Variants in ARAP2 observed in about 807,000 individuals in gnomAD.
ARAP2 encodes the protein arf-GAP with Rho-GAP domain, ANK repeat and PH domain-containing protein 2.
Under a neutral mutation model 194.5 loss-of-function variants are expected in ARAP2, and 148 were observed. That is an observed-to-expected ratio of 0.76 (90% confidence interval 0.67 to 0.87). The LOEUF (loss-of-function observed/expected upper bound fraction) is 0.87, where lower values mean the gene tolerates loss of function less well. ARAP2 is among the 40% of genes least tolerant of loss of function. ARAP2 has a pLI of 0.00. For synonymous variants in ARAP2, 695 were observed against 683.5 expected (o/e 1.02, Z -0.26); for missense variants, 2,128 against 1,989.7 (o/e 1.07, Z -1.32).
chr4:36,094,173 A>G (rs565091169), intron 27 of ARAP2, among the ~76,000 whole-genome samples: 1 of 152,340 alleles, frequency 6.6e-6, no homozygotes, highest in Admixed American at 6.5e-5. Flanking sequence ...TGAGCTAAGA[A>G]TAATTTTTAC....
intron 5 of ARAP2, among the ~76,000 whole-genome samples, chr4:36,031,665 T>TA (rs1718971589): frequency 1.9e-5 from 1 of 53,274 alleles, no homozygotes; most frequent in Non-Finnish European, 5.6e-5. Flanking sequence ...GGATTTAAAA[T>TA]CTTTTTTTTT....
chr4:36,209,372 T>C (rs1227758151), intron 6 of ARAP2: 1 of 454,332 alleles, frequency 2.2e-6, no homozygotes, highest in Admixed American at 2.4e-5. Context: ...ACATAGCTGA[T>C]AGTAAGAAGT....
chr4:36,064,419 G>A (rs537883075), downstream of ARAP2, among the ~76,000 whole-genome samples: 10 of 152,292 alleles, frequency 6.6e-5, no homozygotes, highest in African/African-American at 2.4e-4. Flanking sequence ...AGAGGCAGGG[G>A]CCAAGGTTGG....
chr4:36,236,940 A>G (rs1445538756), intron 1 of ARAP2, among the ~76,000 whole-genome samples: 1 of 152,222 alleles, frequency 6.6e-6, no homozygotes, highest in African/African-American at 2.4e-5. Context: ...ATGATAAAAG[A>G]GAAAAGTGTC....
intron 2 of ARAP2, among the ~76,000 whole-genome samples, chr4:36,223,405 T>C (rs1330254187): frequency 2.6e-5 from 4 of 152,116 alleles, no homozygotes; most frequent in Non-Finnish European, 4.4e-5. Flanking sequence ...AATCTGCAGA[T>C]GTTCAATTGT....
intron 1 of ARAP2, chr4:36,058,224 T>A (rs550009933): frequency 3.3e-5 from 5 of 152,334 alleles, no homozygotes; most frequent in Admixed American, 2.6e-4. Flanking sequence ...CTATTAGGGA[T>A]TTTCTGCTAA....
At chr4:36,114,555 A>G (rs1720862162) in intron 25 of ARAP2, among the ~76,000 whole-genome samples, 1 of 152,058 alleles carries the variant, frequency 6.6e-6, no homozygotes, top group Non-Finnish European at 1.5e-5. Context: ...GAAGGAAAGA[A>G]TGTACCTAAT....
rs540719322 is a variant in ARAP2 at position 36,044,941 on chromosome 4, A to T, written n.607+1038T>A. On this transcript the variant is annotated intron_variant and non_coding_transcript_variant, in intron 5 of 12. Coordinates refer to the ARAP2 transcript ENST00000503225. Reference sequence around the variant, plus strand: ...TATAGAAATGGCGAACAATAATATTAAAAAAAAGTGCTCAACATCACTAAT... The same window carrying T: ...TATAGAAATGGCGAACAATAATATTTAAAAAAAGTGCTCAACATCACTAAT... 4.6e-5 allele frequency among the ~76,000 whole-genome samples: 7 copies of T among 152,120 alleles called. No homozygotes were observed. The East Asian group carries it at 5.8e-4, about 13-fold the overall frequency.
intron 25 of ARAP2, among the ~76,000 whole-genome samples, chr4:36,116,546 A>G (rs1055832336): frequency 6.6e-6 from 1 of 151,934 alleles, no homozygotes; most frequent in African/African-American, 2.4e-5. Context: ...ATTCAAATCA[A>G]TTGGAAGACT....
At chr4:36,197,214 A>G (rs1032796808) in intron 6 of ARAP2, among the ~76,000 whole-genome samples, 2 of 152,166 alleles carry the variant, frequency 1.3e-5, no homozygotes, top group African/African-American at 4.8e-5. Context: ...ATCAGGGTAA[A>G]TATATCCATC....
intron 5 of ARAP2, among the ~76,000 whole-genome samples, chr4:36,037,905 TC>T (rs1386848332): frequency 1.3e-5 from 2 of 152,214 alleles, no homozygotes; most frequent in Admixed American, 1.3e-4. Context: ...GTTTCCAAAT[TC>T]TTAGAGAGCT....
intron 2 of ARAP2, among the ~76,000 whole-genome samples, chr4:36,225,727 C>A (rs762626499): frequency 6.6e-6 from 1 of 151,926 alleles, no homozygotes; most frequent in African/African-American, 2.4e-5. Context: ...AACAAAGAGC[C>A]CTATGTCAGG....
chr4:36,008,181 T>C (rs1713709288), intron 9 of ARAP2, among the ~76,000 whole-genome samples: 1 of 152,076 alleles, frequency 6.6e-6, no homozygotes, highest in South Asian at 2.1e-4. Flanking sequence ...TTTCACAAAT[T>C]AGAAAAAATC....
intron 31 of ARAP2, 42 bp from the exon 32 acceptor site, chr4:36,073,865 T>C (rs2109319525): frequency 1.2e-6 from 2 of 1,610,058 alleles, no homozygotes; most frequent in African/African-American, 1.3e-5. Context: ...GTGATTTTAT[T>C]ATGTGGTATA....
At chr4:36,041,911 C>G (rs73123424) in intron 5 of ARAP2, among the ~76,000 whole-genome samples, 3,734 of 152,200 alleles carry the variant, frequency 0.025, 186 homozygotes, top group African/African-American at 0.085. Flanking sequence ...TCTCAGCAAA[C>G]TAACACAGGA....
chr4:36,133,583 T>C (rs989523374), intron 19 of ARAP2, among the ~76,000 whole-genome samples, 194 bp from the exon 20 acceptor site: 3 of 151,754 alleles, frequency 2.0e-5, no homozygotes, highest in Non-Finnish European at 2.9e-5. Context: ...GGAAGCTCTC[T>C]GAATTTATGG....
In ARAP2 at chr4:36,045,072, A is replaced by G. The variant is rs539226844; in HGVS notation, n.607+907T>C. ...GTTGGTGAGCGTGTAGAGGAAAGGA[A>G]ACAATATATATTGCAGGTAGGTATG... On this transcript the variant is annotated intron_variant and non_coding_transcript_variant, in intron 5 of 12. Transcript: ENST00000503225. Among the ~76,000 whole-genome samples, 14 of 151,906 alleles carry G rather than the reference A, an allele frequency of 9.2e-5. No individual in the cohort carries two copies. In the East Asian group the frequency reaches 2.5e-3, roughly 27 times the overall value.
At chr4:36,109,658 A>G (rs75168285) in intron 26 of ARAP2, among the ~76,000 whole-genome samples, 2,729 of 152,048 alleles carry the variant, frequency 0.018, 85 homozygotes, top group African/African-American at 0.062. Context: ...GAAGTTAGAT[A>G]TATTTGAAGG....
At chr4:36,197,988 G>A (rs746654047) in intron 6 of ARAP2, among the ~76,000 whole-genome samples, 25 of 152,212 alleles carry the variant, frequency 1.6e-4, no homozygotes, top group African/African-American at 4.6e-4. Flanking sequence ...ATGAGAAGGC[G>A]AAGTGTTTCA....
Sources: gnomAD v4.1 joint callset for allele counts (sites outside exome capture counted in the v4.1 genomes callset) on GRCh38, gnomAD v4.1.1 for gene constraint, MANE v1.5 for transcripts, NCBI Gene and HGNC (gene_info 2026-07-23, HGNC 2026-07-21) for gene names.